The following SERPINB8 variants were observed in gnomAD, a reference collection of about 807,000 sequenced individuals.
SERPINB8 encodes serpin B8.
Under a neutral mutation model 35.3 loss-of-function variants are expected in SERPINB8, and 25 were observed. That is an observed-to-expected ratio of 0.71 (90% CI 0.52 to 0.99). SERPINB8 has a LOEUF of 0.99. Among genes scored for constraint, SERPINB8 ranks in the 50% least tolerant of loss-of-function variants. The pLI, the probability that SERPINB8 is intolerant of heterozygous loss-of-function variation, is 0.00. For synonymous variants in SERPINB8, 186 were observed against 160.8 expected, an observed-to-expected ratio of 1.16 and a Z score of -1.19; for missense variants, 484 against 446.5, an observed-to-expected ratio of 1.08 and a Z score of -0.76.
downstream of SERPINB8, among the ~76,000 whole-genome samples, chr18:63,993,868 T>C (rs985866715): frequency 5.9e-5 from 9 of 152,202 alleles, no homozygotes; most frequent in African/African-American, 2.2e-4. Context: ...CATGCCTTTA[T>C]GCATCTCTAC....
chr18:64,007,307 A>T (rs1414937903), downstream of SERPINB8, among the ~76,000 whole-genome samples: 1 of 152,170 alleles, frequency 6.6e-6, no homozygotes, highest in Non-Finnish European at 1.5e-5. Flanking sequence ...GAGCCTATAA[A>T]CATTTAAAAA....
At position 63,983,655 on chromosome 18, in the gene SERPINB8, C is replaced by T. The variant is rs760464225; in HGVS notation, c.501C>T (p.Phe167=). 1.9e-6 allele frequency: 3 copies of T among 1,613,788 alleles called. No homozygotes were observed. The highest frequency in any genetic ancestry group is 3.3e-5 in the Admixed American group (2 of 60,004). Reference sequence around the variant, plus strand: ...TGGTCCTTGTGAATGCCATTTATTTCAAGGGAAAGTGGAATGAGCAATTTG... The same window carrying T: ...TGGTCCTTGTGAATGCCATTTATTTTAAGGGAAAGTGGAATGAGCAATTTG... ...TKLVLVNAIY[F]KGKWNEQFDR... Residue 167 remains phenylalanine (F), a synonymous_variant, in exon 5 of 7, where the codon TTC becomes TTT. Coordinates refer to ENST00000397985, the MANE Select transcript of SERPINB8 (RefSeq NM_002640.4).
chr18:64,007,247 A>G (rs1171753324), downstream of SERPINB8, among the ~76,000 whole-genome samples: 7 of 152,234 alleles, frequency 4.6e-5, no homozygotes, highest in East Asian at 1.2e-3. Flanking sequence ...GTCTTCAAGA[A>G]GATGTATAAT....
chr18:64,017,769 T>C (rs1359763547), intron 7 of SERPINB8, among the ~76,000 whole-genome samples: 7 of 152,178 alleles, frequency 4.6e-5, no homozygotes, highest in Admixed American at 4.6e-4. Flanking sequence ...CTGAATCACA[T>C]TGCACACCAT....
Position 63,981,840 on chromosome 18 carries a change from T to G in SERPINB8, c.424+2T>G, listed in dbSNP as rs1286704462. 1 of 1,583,044 alleles carries G rather than the reference T, an allele frequency of 6.3e-7. No individual in the cohort carries two copies. Among genetic ancestry groups the G allele is most frequent in the Non-Finnish European group, 8.7e-7 (1 of 1,154,332 alleles). ...ACTGGGTGGCAGAGAAGACTGAAGGTGAGACAGTTTCATTTCTGTTGATTT... is the reference window on the plus strand; with the variant it reads ...ACTGGGTGGCAGAGAAGACTGAAGGGGAGACAGTTTCATTTCTGTTGATTT... On this transcript the variant is annotated splice_donor_variant, in intron 4 of 6. Transcript: ENST00000397985. LOFTEE classifies it high-confidence loss of function.
downstream of SERPINB8, among the ~76,000 whole-genome samples, chr18:64,009,338 T>C (rs1341536792): frequency 1.3e-5 from 2 of 152,146 alleles, no homozygotes; most frequent in Admixed American, 6.5e-5. Context: ...ACTTGAAAAA[T>C]GTATTTAAAA....
At chr18:63,986,143 C>T (rs2050749913) in intron 6 of SERPINB8, 3 of 904,168 alleles carry the variant, frequency 3.3e-6, no homozygotes, top group Middle Eastern at 2.3e-4. Flanking sequence ...GAGTCAAAAT[C>T]AAAACAATGC....
chr18:63,981,902 T>A, intron 4 of SERPINB8, 64 bp downstream of exon 4: 1 of 1,168,304 alleles, frequency 8.6e-7, no homozygotes, highest in Non-Finnish European at 1.3e-6. Context: ...TTGACTGGGA[T>A]GGGACTTCCC....
chr18:64,002,804 G>C (rs1211814452), intron 1 of SERPINB8, among the ~76,000 whole-genome samples: 1 of 152,156 alleles, frequency 6.6e-6, no homozygotes, highest in Non-Finnish European at 1.5e-5. Flanking sequence ...CCGCGGGTCC[G>C]CCCTCGGTGC....
At chr18:63,994,359 A>G (rs2050838701), downstream of SERPINB8, among the ~76,000 whole-genome samples, 1 of 151,398 alleles carries the variant, frequency 6.6e-6, no homozygotes, top group Non-Finnish European at 1.5e-5. Context: ...CTCTCTCTCA[A>G]TTTGACAAAG....
At chr18:63,986,292 C>G (rs1052034260) in intron 6 of SERPINB8, 3 of 1,609,874 alleles carry the variant, frequency 1.9e-6, no homozygotes, top group Non-Finnish European at 2.5e-6. Flanking sequence ...TTGAAGCTAA[C>G]TCCAGGACAG....
intron 1 of SERPINB8, among the ~76,000 whole-genome samples, chr18:63,995,261 T>A (rs1313839965): frequency 6.6e-6 from 1 of 152,134 alleles, no homozygotes; most frequent in Non-Finnish European, 1.5e-5. Context: ...TTAACAAGAC[T>A]AGGGGTTAGG....
intron 1 of SERPINB8, among the ~76,000 whole-genome samples, chr18:63,995,069 GAA>G (rs1358719213): frequency 2.0e-5 from 3 of 152,158 alleles, no homozygotes; most frequent in Admixed American, 6.5e-5. Context: ...GGAGGAGACT[GAA>G]GAGTTCCTCA....
At chr18:63,974,095 C>A (rs1031708185) in intron 1 of SERPINB8, among the ~76,000 whole-genome samples, 6 of 152,154 alleles carry the variant, frequency 3.9e-5, no homozygotes, top group African/African-American at 1.4e-4. Context: ...CTTTTAAAGC[C>A]AGCTTCTCTG....
chr18:63,970,184 C>T lies in SERPINB8; in HGVS notation c.-11+14C>T, dbSNP rs2050441810. 4 of 328,614 alleles carry T rather than the reference C, an allele frequency of 1.2e-5. No individual in the cohort carries two copies. The highest frequency in any genetic ancestry group is 2.3e-5 in the African/African-American group (1 of 43,954). The allele number at this position is 328,614 out of a possible 1,614,324, so 20.4% of individuals were successfully genotyped here. ...CAGCAGCAGGAGGTGGGGGCCTCTG[C>T]CAGGTACCGGGCGGGGCAGGCACGG... On this transcript the variant is annotated intron_variant, in intron 1 of 6. Coordinates refer to ENST00000397985, the MANE Select transcript of SERPINB8 (RefSeq NM_002640.4).
At chr18:63,995,892 A>G (rs2050846773) in intron 1 of SERPINB8, among the ~76,000 whole-genome samples, 1 of 152,204 alleles carries the variant, frequency 6.6e-6, no homozygotes, top group African/African-American at 2.4e-5. Flanking sequence ...ACCAGCTAAA[A>G]TTAGGAATTT....
At chr18:64,011,989 A>T (rs1207018244) in intron 7 of SERPINB8, among the ~76,000 whole-genome samples, 1 of 152,196 alleles carries the variant, frequency 6.6e-6, no homozygotes, top group East Asian at 1.9e-4. Flanking sequence ...AGTGTTTCAT[A>T]ATGCCCATGT....
intron 1 of SERPINB8, among the ~76,000 whole-genome samples, chr18:63,976,520 TC>T (rs1296857155): frequency 6.6e-6 from 1 of 152,216 alleles, no homozygotes; most frequent in Non-Finnish European, 1.5e-5. Flanking sequence ...TGAGAGACTG[TC>T]CTGGGATGTA....
chr18:64,006,199 C>T (rs2050899300), downstream of SERPINB8, among the ~76,000 whole-genome samples: 1 of 152,164 alleles, frequency 6.6e-6, no homozygotes, highest in African/African-American at 2.4e-5. Context: ...GGAGATCAGG[C>T]ACCTAGAGGC....
Sources: gnomAD v4.1 joint callset for allele counts (sites outside exome capture counted in the v4.1 genomes callset) on GRCh38, gnomAD v4.1.1 for gene constraint, MANE v1.5 for transcripts, NCBI Gene and HGNC (gene_info 2026-07-23, HGNC 2026-07-21) for gene names.